SATB1: variants seen among roughly 807,000 people sequenced by gnomAD.
SATB1 encodes SATB homeobox 1.
Under a neutral mutation model 86.9 loss-of-function variants are expected in SATB1, and 11 were observed. The ratio of observed to expected loss-of-function variants is 0.13; its 90% CI spans 0.08 to 0.21. SATB1 has a LOEUF of 0.21. Among genes scored for constraint, SATB1 ranks in the 10% least tolerant of loss-of-function variants. The pLI, the probability that SATB1 is intolerant of heterozygous loss-of-function variation, is 1.00. For missense variants in SATB1, 551 were observed against 937.6 expected (o/e 0.59, Z 5.39); for synonymous variants, 357 against 357.2 (o/e 1.00, Z 0.01).
intron 9 of SATB1, among the ~76,000 whole-genome samples, chr3:18,371,738 A>G (rs991786554): frequency 5.3e-5 from 8 of 152,220 alleles, no homozygotes; most frequent in South Asian, 2.1e-4. Flanking sequence ...AAAAGAAGAT[A>G]AAGTTAAAAT....
intron 2 of SATB1, among the ~76,000 whole-genome samples, chr3:18,419,766 A>C (rs919334106): frequency 1.3e-5 from 2 of 152,192 alleles, no homozygotes; most frequent in African/African-American, 4.8e-5. Flanking sequence ...AATTTGCTGA[A>C]GTGCTGTTTT....
chr3:18,377,647 G>C (rs1396337802), intron 9 of SATB1, among the ~76,000 whole-genome samples: 1 of 152,042 alleles, frequency 6.6e-6, no homozygotes, highest in Non-Finnish European at 1.5e-5. Flanking sequence ...AATATGCAAA[G>C]CTATGTGTGT....
chr3:18,362,881 A>AAAAAAAAAAAAAAAAAAC (rs373536891), intron 9 of SATB1, among the ~76,000 whole-genome samples: 2 of 108,184 alleles, frequency 1.8e-5, no homozygotes, highest in African/African-American at 3.4e-5. Context: ...AAAAAAAAAA[A>AAAAAAAAAAAAAAAAAAC]CCAAAACCCC....
At chr3:18,399,145 T>C (rs1454219179) in intron 5 of SATB1, among the ~76,000 whole-genome samples, 1 of 152,254 alleles carries the variant, frequency 6.6e-6, no homozygotes, top group Non-Finnish European at 1.5e-5. Context: ...GTTTATGTCT[T>C]ACTTTTTAGA....
intron 7 of SATB1, among the ~76,000 whole-genome samples, chr3:18,390,261 G>A (rs1401115571): frequency 2.0e-5 from 3 of 152,066 alleles, no homozygotes; most frequent in Admixed American, 2.0e-4. Flanking sequence ...TCAGCTTCAT[G>A]GAACTTCAAA....
intron 8 of SATB1, among the ~76,000 whole-genome samples, chr3:18,380,696 T>A (rs925583112): frequency 6.6e-6 from 1 of 151,892 alleles, no homozygotes; most frequent in Non-Finnish European, 1.5e-5. Context: ...TTATCATAGA[T>A]AAGCTATTAG....
intron 6 of SATB1, 140 bp downstream of exon 6, chr3:18,397,039 C>T: frequency 1.6e-6 from 1 of 614,598 alleles, no homozygotes; most frequent in Non-Finnish European, 3.0e-6. Context: ...TACTCATACC[C>T]ACTTCCCACC....
chr3:18,354,023 A>G (rs1041607126), intron 9 of SATB1, among the ~76,000 whole-genome samples: 2 of 152,142 alleles, frequency 1.3e-5, no homozygotes, highest in African/African-American at 4.8e-5. Flanking sequence ...ATGTCACTGA[A>G]TTTGCTTCTC....
Position 18,402,192 on chromosome 3 carries a change from A to G in SATB1, c.640-4902T>C, listed in dbSNP as rs187873440. 1.5e-3 allele frequency among the ~76,000 whole-genome samples: 230 copies of G among 152,226 alleles called. 1 individual carries two copies. Among genetic ancestry groups the G allele is most frequent in the Admixed American group, 3.0e-3 (46 of 15,278 alleles). On this transcript the variant is annotated intron_variant, in intron 5 of 10. Coordinates refer to ENST00000338745, the MANE Select transcript of SATB1 (RefSeq NM_002971.6). ...ATAACACGTTTAAAAATGAAGGAAG[A>G]TGGTTTTATTTTTTTACTTGTTCAT...
upstream of SATB1, among the ~76,000 whole-genome samples, chr3:18,425,839 G>GGACGGGCAC (rs1698676628): frequency 6.9e-6 from 1 of 145,152 alleles, no homozygotes; most frequent in Non-Finnish European, 1.5e-5. Context: ...AGGACGGGCA[G>GGACGGGCAC]GACGGGCACG....
chr3:18,437,405 T>C lies in SATB1; in HGVS notation c.-107-534A>G, dbSNP rs185809341. Among the ~76,000 whole-genome samples, 5 of 152,250 alleles carry C rather than the reference T, an allele frequency of 3.3e-5. No individual in the cohort carries two copies. In the East Asian group the frequency reaches 7.7e-4, roughly 23 times the overall value. On this transcript the variant is annotated intron_variant, in intron 1 of 3. Transcript: ENST00000414509. Reference sequence around the variant, plus strand: ...CTTTCATAATTCTGAACCAAAACCCTGACTCCATACATTCTAAAAGATTTT... The same window carrying C: ...CTTTCATAATTCTGAACCAAAACCCCGACTCCATACATTCTAAAAGATTTT...
chr3:18,414,963 T>G (rs751788010), intron 5 of SATB1, 148 bp downstream of exon 5: 33 of 792,820 alleles, frequency 4.2e-5, no homozygotes, highest in Non-Finnish European at 6.4e-5. Context: ...CAGGCATATT[T>G]TAAAAGGTCA....
intron 5 of SATB1, among the ~76,000 whole-genome samples, chr3:18,399,208 C>T (rs1697118884): frequency 6.6e-6 from 1 of 152,154 alleles, no homozygotes; most frequent in African/African-American, 2.4e-5. Flanking sequence ...ATCCAGTCTA[C>T]TCCAGTTTGC....
chr3:18,372,518 A>G (rs1450103640), intron 9 of SATB1, among the ~76,000 whole-genome samples: 1 of 152,090 alleles, frequency 6.6e-6, no homozygotes, highest in Non-Finnish European at 1.5e-5. Flanking sequence ...GGGATAAATC[A>G]CCTCTTGATA....
At chr3:18,356,230 A>G (rs1694627568) in intron 9 of SATB1, among the ~76,000 whole-genome samples, 1 of 151,926 alleles carries the variant, frequency 6.6e-6, no homozygotes, top group African/African-American at 2.4e-5. Flanking sequence ...TGAGAACTAA[A>G]AGTCTTAAAT....
chr3:18,358,477 G>T (rs1326855745), intron 9 of SATB1, among the ~76,000 whole-genome samples: 1 of 151,920 alleles, frequency 6.6e-6, no homozygotes, highest in Non-Finnish European at 1.5e-5. Context: ...TTTGTGTAAA[G>T]TGAAAAGAAC....
At position 18,345,869 on chromosome 3, in the gene SATB1, T is replaced by TAAC. The variant is rs1459515057; in HGVS notation, c.*3298_*3300dup. 1 of 152,116 alleles carries TAAC rather than the reference T, an allele frequency of 6.6e-6. No individual in the cohort carries two copies. Among genetic ancestry groups the TAAC allele is most frequent in the East Asian group, 1.9e-4 (1 of 5,198 alleles). 9.4% of individuals were successfully genotyped at this position (152,116 alleles called of 1,614,324 possible). On this transcript the variant is annotated 3_prime_UTR_variant, in exon 11 of 11. Coordinates refer to ENST00000338745, the MANE Select transcript of SATB1 (RefSeq NM_002971.6). Reference sequence around the variant, plus strand: ...AAAGACCTTAATATCAGCCAGATGCTAACAATTGGGAATAGGGCAGAATTT... The same window carrying TAAC: ...AAAGACCTTAATATCAGCCAGATGCTAACAACAATTGGGAATAGGGCAGAATTT...
rs1389675891 is a variant in SATB1 at position 18,394,836 on chromosome 3, T to C, written c.832A>G (p.Thr278Ala). ...GCAGGGGATGGAGGCTGCTCGGCTG[T>C]GTTCCCTGGAACTGGTTGCTGGCCA... Reference protein sequence around the residue: ...NFGQQPVPGNTAEQPPSPAQL... With the variant: ...NFGQQPVPGNAAEQPPSPAQL... Residue 278 changes from threonine to alanine, a missense_variant, in exon 7 of 11, where the codon ACA (threonine) becomes GCA (alanine). Around this residue, in one of 8 missense-constraint regions of SATB1, gnomAD observed 119 missense variants for 171.1 expected, o/e 0.70. Coordinates refer to ENST00000338745, the MANE Select transcript of SATB1 (RefSeq NM_002971.6). This position sits in a 1 kb window ranked among gnomAD's most constrained non-coding sequence, Gnocchi z 5.9. 9 of 1,614,076 alleles carry C rather than the reference T, an allele frequency of 5.6e-6. No homozygotes were observed. Among genetic ancestry groups the C allele is most frequent in the Non-Finnish European group, 7.6e-6 (9 of 1,179,994 alleles).
At chr3:18,428,404 C>T (rs1156553124), upstream of SATB1, among the ~76,000 whole-genome samples, 1 of 152,154 alleles carries the variant, frequency 6.6e-6, no homozygotes, top group African/African-American at 2.4e-5. Flanking sequence ...CTCTTAAAGG[C>T]CCCACCTCTC....
Sources: allele counts gnomAD v4.1 joint callset (sites outside exome capture counted in the v4.1 genomes callset), GRCh38; gene constraint gnomAD v4.1.1; regional missense constraint gnomAD v4.1.1; non-coding constraint Gnocchi (gnomAD v3.1); transcripts MANE v1.5; gene names NCBI Gene and HGNC (gene_info 2026-07-23, HGNC 2026-07-21).